Variants in RNF150 observed in about 807,000 individuals in gnomAD.
The protein encoded by RNF150 is ring finger protein 150.
A neutral mutation model predicts 39.3 loss-of-function variants in RNF150; 24 were observed. The ratio of observed to expected loss-of-function variants is 0.61; its 90% CI spans 0.44 to 0.86. The LOEUF (loss-of-function observed/expected upper bound fraction) is 0.86. Among genes scored for constraint, RNF150 ranks in the 40% least tolerant of loss-of-function variants. The pLI, the probability that RNF150 is intolerant of heterozygous loss-of-function variation, is 0.00. For synonymous variants in RNF150, 255 were observed against 227.3 expected, an observed-to-expected ratio of 1.12 and a Z score of -1.10; for missense variants, 502 against 587.8, an observed-to-expected ratio of 0.85 and a Z score of 1.51.
chr4:140,956,507 A>T (rs2111392882), intron 2 of RNF150, among the ~76,000 whole-genome samples: 1 of 152,276 alleles, frequency 6.6e-6, no homozygotes, highest in Non-Finnish European at 1.5e-5. Context: ...ATGGAGATGA[A>T]TCCTTAGCAT....
At chr4:140,972,615 A>G (rs1372332899) in intron 1 of RNF150, among the ~76,000 whole-genome samples, 3 of 152,106 alleles carry the variant, frequency 2.0e-5, no homozygotes, top group Non-Finnish European at 2.9e-5. Context: ...GTGTGTGATT[A>G]GTATTTGGTC....
intron 1 of RNF150, among the ~76,000 whole-genome samples, chr4:141,062,374 T>C (rs1029434250): frequency 6.6e-6 from 1 of 152,104 alleles, no homozygotes; most frequent in Non-Finnish European, 1.5e-5. Flanking sequence ...TGTATGTGTA[T>C]ATATATGTAT....
intron 1 of RNF150, among the ~76,000 whole-genome samples, chr4:141,186,200 A>T (rs573744828): frequency 6.6e-6 from 1 of 152,210 alleles, no homozygotes; most frequent in Non-Finnish European, 1.5e-5. Flanking sequence ...TTACTGCCTC[A>T]ATTTCAGAAC....
intron 4 of RNF150, among the ~76,000 whole-genome samples, chr4:140,937,699 T>C (rs1211298252): frequency 1.3e-5 from 2 of 151,730 alleles, no homozygotes; most frequent in African/African-American, 4.8e-5. Flanking sequence ...ATTATAAAAA[T>C]TAATTATGCC....
In RNF150 at chr4:141,132,715, T is replaced by G. The variant is rs1375787067; in HGVS notation, c.94A>C (p.Thr32Pro). The change falls in exon 1 of 7, where the codon ACC becomes CCC. Residue 32 changes from threonine (T) to proline (P), a missense_variant. By Grantham distance (38) the Thr-to-Pro change is conservative. Transcript: ENST00000515673. This position sits in a 1 kb window ranked among gnomAD's most constrained non-coding sequence, Gnocchi z 4.9. ...TACCATTCCTCCTTCTCGGCCACGG[T>G]AAAGTCCAGGCAGAGCAGATGCACG... is the stretch of plus-strand genomic sequence containing the variant. The part of the protein sequence containing the change: ...CFVHLLCLDF[T>P]VAEKEEWYTA... 2 of 1,609,414 alleles carry G rather than the reference T, an allele frequency of 1.2e-6. No homozygotes were observed. The highest frequency in any genetic ancestry group is 1.7e-6 in the Non-Finnish European group (2 of 1,178,302).
At chr4:141,183,904 T>A (rs919925209) in intron 1 of RNF150, among the ~76,000 whole-genome samples, 9 of 152,210 alleles carry the variant, frequency 5.9e-5, no homozygotes, top group Non-Finnish European at 1.2e-4. Context: ...ATTTAGTCTA[T>A]CATTGATGGG....
At chr4:141,044,475 C>CA (rs1437739586) in intron 1 of RNF150, among the ~76,000 whole-genome samples, 2 of 152,030 alleles carry the variant, frequency 1.3e-5, no homozygotes, top group African/African-American at 4.8e-5. Flanking sequence ...CATTAATATA[C>CA]AAAAAATGAA....
At chr4:141,078,828 T>TACAC (rs1225171740) in intron 1 of RNF150, among the ~76,000 whole-genome samples, 1 of 130,848 alleles carries the variant, frequency 7.6e-6, no homozygotes, top group Non-Finnish European at 1.6e-5. Context: ...TATATATATA[T>TACAC]ATATACACAC....
At position 140,976,048 on chromosome 4, in the gene RNF150, T is replaced by C. The variant is rs538522691; in HGVS notation, c.485-8175A>G. Among the ~76,000 whole-genome samples the C allele has an allele frequency of 3.2e-4, 49 of 152,324 alleles. 1 individual carries two copies. The highest frequency in any genetic ancestry group is 3.4e-3 in the Middle Eastern group (1 of 294). ...GTGTTAGAATAATCCCTTCAGTTCC[T>C]TGATCCTTAACCTTCTTGCTTTGAT... On this transcript the variant is annotated intron_variant, in intron 1 of 6. Transcript: ENST00000515673.
At chr4:140,899,944 T>TTCTCTCTCTC (rs60297205) in intron 6 of RNF150, among the ~76,000 whole-genome samples, 9,516 of 109,112 alleles carry the variant, frequency 0.087, 477 homozygotes, top group South Asian at 0.14. Flanking sequence ...CTCTCTCACT[T>TTCTCTCTCTC]TCTCTCTCTC....
intron 1 of RNF150, among the ~76,000 whole-genome samples, chr4:141,104,914 G>GCA (rs1313687698): frequency 6.6e-6 from 1 of 152,030 alleles, no homozygotes; most frequent in East Asian, 1.9e-4. Flanking sequence ...TCTCTCTTGT[G>GCA]CACACACACA....
rs553330807 is a variant in RNF150, at chr4:140,945,762, A to T, written c.890+1892T>A. ...TTTAAAACAGATTTTCTTAATTTAC[A>T]TTTGTAAATGTCTTTGGATTTTTCA... On this transcript the variant is annotated intron_variant, in intron 4 of 6. Transcript: ENST00000515673. Among the ~76,000 whole-genome samples, 557 of 151,876 alleles carry T rather than the reference A, an allele frequency of 3.7e-3. 2 individuals carry two copies. Among genetic ancestry groups the T allele is most frequent in the Non-Finnish European group, 6.5e-3 (443 of 67,890 alleles).
intron 2 of RNF150, among the ~76,000 whole-genome samples, chr4:140,956,045 C>G (rs781241932): frequency 2.0e-5 from 3 of 152,148 alleles, no homozygotes; most frequent in Non-Finnish European, 4.4e-5. Flanking sequence ...GGATTAGCCT[C>G]AAAGGCAATA....
intron 1 of RNF150, among the ~76,000 whole-genome samples, chr4:141,164,447 C>T (rs1192963220): frequency 3.3e-5 from 5 of 152,054 alleles, no homozygotes; most frequent in East Asian, 1.9e-4. Context: ...TCAGTAAATA[C>T]GGAGAAGACT....
chr4:141,156,688 G>A lies in RNF150; in HGVS notation c.-6+56106C>T, dbSNP rs571722002. On this transcript the variant is annotated intron_variant, in intron 1 of 7. Transcript: ENST00000420921. ...GTGGGCAGATCGCCTGAGATCAGGAGTTTGAGACCAGCCTGACCAATATGG... is the reference window on the plus strand; with the variant it reads ...GTGGGCAGATCGCCTGAGATCAGGAATTTGAGACCAGCCTGACCAATATGG... Among the ~76,000 whole-genome samples, 19 of 138,458 alleles carry A rather than the reference G, an allele frequency of 1.4e-4. No homozygotes were observed. The South Asian group carries it at 4.0e-3, about 30-fold the overall frequency. 90.8% of individuals were successfully genotyped at this position (138,458 alleles called of 152,430 possible).
chr4:140,942,576 A>C (rs1345258898), intron 4 of RNF150, among the ~76,000 whole-genome samples: 1 of 152,214 alleles, frequency 6.6e-6, no homozygotes, highest in African/African-American at 2.4e-5. Flanking sequence ...ACAAAATGGA[A>C]CTATATGCGG....
Position 140,891,110 on chromosome 4 carries a change from G to A in RNF150, c.1198+20034C>T, listed in dbSNP as rs540545461. ...GCAATGAAGGTGGGATGTGTGAGTA[G>A]GAATAGCACTGGTAGAAAATGATAG... is the stretch of plus-strand genomic sequence containing the variant. On this transcript the variant is annotated intron_variant, in intron 6 of 6. Transcript: ENST00000515673. 6.6e-5 allele frequency among the ~76,000 whole-genome samples: 10 copies of A among 152,282 alleles called. No individual in the cohort carries two copies. In the South Asian group the frequency reaches 2.1e-3, roughly 32 times the overall value.
intron 1 of RNF150, among the ~76,000 whole-genome samples, chr4:141,189,371 G>A (rs1728066621): frequency 1.3e-5 from 2 of 152,180 alleles, no homozygotes; most frequent in Non-Finnish European, 2.9e-5. Flanking sequence ...AGGTGGCACA[G>A]GGCACAGGGA....
chr4:141,181,498 C>T (rs1332698699), intron 1 of RNF150, among the ~76,000 whole-genome samples: 1 of 152,166 alleles, frequency 6.6e-6, no homozygotes, highest in Non-Finnish European at 1.5e-5. Flanking sequence ...TGATAGCCTT[C>T]ATTTGACCTC....
Sources: gnomAD v4.1 joint callset for allele counts (sites outside exome capture counted in the v4.1 genomes callset) on GRCh38, gnomAD v4.1.1 for gene constraint, Gnocchi (gnomAD v3.1) non-coding constraint, MANE v1.5 for transcripts, NCBI Gene and HGNC (gene_info 2026-07-23, HGNC 2026-07-21) for gene names.